The following MYO16 variants were observed in gnomAD, a reference collection of about 807,000 sequenced individuals.
MYO16 encodes myosin XVI, also known as unconventional myosin-XVI.
Under a neutral mutation model 205.3 loss-of-function variants are expected in MYO16, and 94 were observed. The ratio of observed to expected loss-of-function variants is 0.46; its 90% confidence interval spans 0.39 to 0.54. The LOEUF is 0.54. Among genes scored for constraint, MYO16 ranks in the 20% least tolerant of loss-of-function variants. The pLI is 0.00. For synonymous variants in MYO16, 988 were observed against 954.0 expected, an observed-to-expected ratio of 1.04 and a Z score of -0.66; for missense variants, 2,315 against 2,387.5, an observed-to-expected ratio of 0.97 and a Z score of 0.63.
At chr13:108,536,034 T>C in the MYO16 span, among the ~76,000 whole-genome samples, 2 of 151,666 alleles carry the variant, frequency 1.3e-5, no homozygotes, top group African/African-American at 2.4e-5. Context: ...CATGTGTGTG[T>C]GCATGTGTGT....
Position 109,140,149 on chromosome 13 carries a change from TC to T in MYO16, c.4052-112del. On this transcript the variant is annotated intron_variant, in intron 31 of 34. Transcript: ENST00000457511. The surrounding 1 kb of genome is among the most constrained non-coding windows in gnomAD (Gnocchi z 8.0). ...TGGGTGGAGGAACATGCAGGCCCGG[TC>T]CCTTGGGATTCTCGGGGCACGGGGC... 6.7e-7 allele frequency: 1 copy of T among 1,490,194 alleles called. No individual in the cohort carries two copies. The highest frequency in any genetic ancestry group is 8.8e-7 in the Non-Finnish European group (1 of 1,130,976). The allele number at this position is 1,490,194 out of a possible 1,614,324, so 92.3% of individuals were successfully genotyped here.
At chr13:108,668,172 A>G (rs1881824279) in intron 2 of MYO16, among the ~76,000 whole-genome samples, 1 of 152,240 alleles carries the variant, frequency 6.6e-6, no homozygotes, top group Non-Finnish European at 1.5e-5. Flanking sequence ...GCCAAGAAGC[A>G]GTTATTATAT....
the MYO16 span, among the ~76,000 whole-genome samples, chr13:108,563,446 T>C: frequency 3.3e-5 from 5 of 152,128 alleles, no homozygotes; most frequent in African/African-American, 1.2e-4. Context: ...AACTAATTTT[T>C]TGTACCCACT....
At chr13:109,015,390 C>T (rs1416620652) in intron 22 of MYO16, among the ~76,000 whole-genome samples, 4 of 152,114 alleles carry the variant, frequency 2.6e-5, no homozygotes, top group Admixed American at 6.6e-5. Flanking sequence ...ATTTTCGCAT[C>T]GATGTTCATC....
intron 1 of MYO16, among the ~76,000 whole-genome samples, chr13:108,651,887 C>T (rs1881021474): frequency 6.6e-6 from 1 of 152,098 alleles, no homozygotes; most frequent in Non-Finnish European, 1.5e-5. Context: ...GGATATAGAC[C>T]TGCAGCTTGA....
intron 1 of MYO16, among the ~76,000 whole-genome samples, chr13:108,599,660 T>TA (rs35266734): frequency 0.26 from 39,518 of 151,722 alleles, 5,213 homozygotes; most frequent in Middle Eastern, 0.32. Context: ...TCAAATGCAT[T>TA]AAAAAAAATA....
intron 31 of MYO16, among the ~76,000 whole-genome samples, chr13:109,139,229 A>G (rs1876919730): frequency 6.6e-6 from 1 of 152,200 alleles, no homozygotes. Context: ...CTGGGATTAC[A>G]GGTGTGAGCC....
chr13:108,521,945 G>T, the MYO16 span, among the ~76,000 whole-genome samples: 1 of 152,144 alleles, frequency 6.6e-6, no homozygotes, highest in Non-Finnish European at 1.5e-5. Context: ...ACATTGGTTG[G>T]AGGCAGACTG....
chr13:108,862,772 A>G (rs952083189), intron 11 of MYO16, among the ~76,000 whole-genome samples: 4 of 152,224 alleles, frequency 2.6e-5, no homozygotes, highest in South Asian at 2.1e-4. Context: ...TGCATTGAAT[A>G]TATAGATTAA....
chr13:108,850,810 C>T (rs528513256), intron 10 of MYO16, among the ~76,000 whole-genome samples: 4 of 152,166 alleles, frequency 2.6e-5, no homozygotes, highest in East Asian at 1.9e-4. Context: ...CTCACACTGG[C>T]TCTGCCCCAC....
intron 6 of MYO16, among the ~76,000 whole-genome samples, chr13:108,797,738 C>T (rs573044282): frequency 5.9e-5 from 9 of 152,138 alleles, no homozygotes; most frequent in East Asian, 1.9e-4. Flanking sequence ...ATAATAGAAA[C>T]GCAATAGAGC....
intron 28 of MYO16, among the ~76,000 whole-genome samples, chr13:109,115,128 A>T (rs1291500525): frequency 6.6e-6 from 1 of 151,932 alleles, no homozygotes; most frequent in East Asian, 1.9e-4. Context: ...TTAAAAAAAA[A>T]GAAGTGCTCT....
chr13:108,968,953 G>C (rs1051409885), intron 20 of MYO16, among the ~76,000 whole-genome samples: 3 of 152,170 alleles, frequency 2.0e-5, no homozygotes, highest in African/African-American at 7.2e-5. Flanking sequence ...AGCTAAAGGG[G>C]CTTCCTTTTC....
the MYO16 span, among the ~76,000 whole-genome samples, chr13:108,574,708 T>TGTGTGTGC: frequency 4.9e-4 from 40 of 81,780 alleles, no homozygotes; most frequent in African/African-American, 1.4e-3. Context: ...TGTGTGTGTG[T>TGTGTGTGC]GCGCTTGTGT....
At chr13:108,845,840 A>G (rs971355881) in intron 10 of MYO16, among the ~76,000 whole-genome samples, 41 of 151,992 alleles carry the variant, frequency 2.7e-4, no homozygotes, top group African/African-American at 8.9e-4. Flanking sequence ...CCTCAGCTTC[A>G]GAGAGCTAGG....
rs189617330 is a variant in MYO16 at position 108,674,416 on chromosome 13, G to A, written c.292+8267G>A. Among the ~76,000 whole-genome samples the A allele has an allele frequency of 2.4e-4, 36 of 152,262 alleles. 1 individual carries two copies. In the East Asian group the frequency reaches 5.8e-3, roughly 25 times the overall value. ...GAGCCTGTTATAATTTTCACAACTA[G>A]CATTTAGTGAGTGCTGTTTTTATGA... On this transcript the variant is annotated intron_variant, in intron 2 of 34. Coordinates refer to ENST00000457511, the MANE Select transcript of MYO16 (RefSeq NM_001198950.3).
intron 2 of MYO16, among the ~76,000 whole-genome samples, chr13:108,683,084 A>C (rs1220109894): frequency 1.3e-5 from 2 of 152,312 alleles, no homozygotes; most frequent in South Asian, 2.1e-4. Flanking sequence ...TTAATGCCTG[A>C]ATTAAATAGT....
intron 32 of MYO16, among the ~76,000 whole-genome samples, chr13:109,158,432 A>T (rs377406539): frequency 6.6e-6 from 1 of 152,124 alleles, no homozygotes; most frequent in South Asian, 2.1e-4. Context: ...TCTCCCAGAC[A>T]CATCCCTGAT....
At chr13:108,589,834 G>A in the MYO16 span, among the ~76,000 whole-genome samples, 3 of 152,080 alleles carry the variant, frequency 2.0e-5, no homozygotes, top group Non-Finnish European at 2.9e-5. Context: ...AAAACAGTTC[G>A]ATTTTCTAGT....
Sources: allele counts gnomAD v4.1 joint callset (sites outside exome capture counted in the v4.1 genomes callset), GRCh38; gene constraint gnomAD v4.1.1; non-coding constraint Gnocchi (gnomAD v3.1); transcripts MANE v1.5; gene names NCBI Gene and HGNC (gene_info 2026-07-23, HGNC 2026-07-21).